NPAS3: variants seen among roughly 807,000 people sequenced by gnomAD.
NPAS3 encodes neuronal PAS domain protein 3.
Under a neutral mutation model 73.1 loss-of-function variants are expected in NPAS3, and 14 were observed. The ratio of observed to expected loss-of-function variants is 0.19; its 90% CI spans 0.13 to 0.30. The LOEUF (loss-of-function observed/expected upper bound fraction) is 0.30. Among genes scored for constraint, NPAS3 ranks in the 10% least tolerant of loss-of-function variants. The pLI is 1.00. For missense variants in NPAS3, 1,096 were observed against 1,250.0 expected, an observed-to-expected ratio of 0.88 and a Z score of 1.86; for synonymous variants, 620 against 541.5, an observed-to-expected ratio of 1.14 and a Z score of -2.01.
At chr14:33,205,210 T>G (rs372996459) in intron 2 of NPAS3, among the ~76,000 whole-genome samples, 1 of 152,212 alleles carries the variant, frequency 6.6e-6, no homozygotes, top group South Asian at 2.1e-4. Context: ...AATTGTATGA[T>G]CTCAACACAT....
At chr14:33,051,385 A>G (rs2040707076) in intron 1 of NPAS3, among the ~76,000 whole-genome samples, 1 of 151,840 alleles carries the variant, frequency 6.6e-6, no homozygotes, top group African/African-American at 2.4e-5. Flanking sequence ...TAGAGCTTGT[A>G]CTCTTACTTG....
intron 1 of NPAS3, among the ~76,000 whole-genome samples, chr14:32,967,905 TTG>T (rs2139286365): frequency 2.2e-5 from 1 of 44,898 alleles, no homozygotes; most frequent in African/African-American, 7.6e-5. Flanking sequence ...TAGTATTACA[TTG>T]TGAGAGTGTG....
intron 3 of NPAS3, among the ~76,000 whole-genome samples, chr14:33,292,590 C>T (rs1045213195): frequency 6.6e-6 from 1 of 151,952 alleles, no homozygotes; most frequent in South Asian, 2.1e-4. Flanking sequence ...AAAGATTGGC[C>T]AGTCAGTGAT....
intron 6 of NPAS3, among the ~76,000 whole-genome samples, chr14:33,716,109 G>A (rs1034505756): frequency 3.9e-5 from 6 of 152,166 alleles, no homozygotes; most frequent in Non-Finnish European, 7.4e-5. Flanking sequence ...TTGGGGGCAA[G>A]ACCACTATCT....
At chr14:33,253,892 A>C (rs554484368) in intron 3 of NPAS3, among the ~76,000 whole-genome samples, 134 of 152,136 alleles carry the variant, frequency 8.8e-4, no homozygotes, top group South Asian at 8.7e-3. Context: ...CAAATTCAAA[A>C]GGTTGGATGC....
intron 3 of NPAS3, among the ~76,000 whole-genome samples, chr14:33,345,946 T>C (rs8018571): frequency 0.039 from 5,967 of 152,204 alleles, 413 homozygotes; most frequent in African/African-American, 0.14. Context: ...GAAGTGTTGA[T>C]TCAGGGCTGG....
chr14:32,959,086 G>A lies in NPAS3; in HGVS notation c.50+19720G>A, dbSNP rs532072974. 1.5e-3 allele frequency among the ~76,000 whole-genome samples: 227 copies of A among 152,328 alleles called. 3 individuals carry two copies. The highest frequency in any genetic ancestry group is 5.0e-3 in the African/African-American group (208 of 41,572). ...AGTTTAAGAATTTGTGTTGGGCCCTGGGTTGGACAAGCTTGATGTAAGTCT... is the reference window on the plus strand; with the variant it reads ...AGTTTAAGAATTTGTGTTGGGCCCTAGGTTGGACAAGCTTGATGTAAGTCT... On this transcript the variant is annotated intron_variant, in intron 1 of 11. Coordinates refer to ENST00000356141, the Ensembl canonical transcript of NPAS3.
At chr14:33,283,365 A>G (rs1178333466) in intron 3 of NPAS3, among the ~76,000 whole-genome samples, 1 of 152,230 alleles carries the variant, frequency 6.6e-6, no homozygotes, top group Non-Finnish European at 1.5e-5. Context: ...CAGAATTTCT[A>G]TGATATAGGC....
intron 1 of NPAS3, among the ~76,000 whole-genome samples, chr14:32,943,375 G>A (rs1048100598): frequency 6.6e-6 from 1 of 152,106 alleles, no homozygotes; most frequent in African/African-American, 2.4e-5. Flanking sequence ...TTAGTCATAT[G>A]AATTTTGATC....
chr14:33,124,097 A>G (rs2043338446), intron 2 of NPAS3, among the ~76,000 whole-genome samples: 1 of 151,884 alleles, frequency 6.6e-6, no homozygotes, highest in Non-Finnish European at 1.5e-5. Context: ...CAAGAGATCC[A>G]TCTGCCTCGG....
intron 3 of NPAS3, among the ~76,000 whole-genome samples, chr14:33,321,124 T>G (rs1077333): frequency 0.026 from 3,901 of 152,148 alleles, 157 homozygotes; most frequent in African/African-American, 0.088. Context: ...GAAATTTTAG[T>G]ATAAAAGACT....
chr14:33,675,863 T>A (rs114500128), intron 5 of NPAS3, among the ~76,000 whole-genome samples: 1,588 of 152,218 alleles, frequency 0.01, 31 homozygotes, highest in African/African-American at 0.037. Flanking sequence ...CAGTCAATCA[T>A]GTGGTTGACA....
chr14:33,164,818 C>T lies in NPAS3; in HGVS notation c.141-50364C>T, dbSNP rs1378757532. 3.3e-5 allele frequency among the ~76,000 whole-genome samples: 5 copies of T among 151,352 alleles called. No individual in the cohort carries two copies. The East Asian group carries it at 9.7e-4, about 29-fold the overall frequency. ...TGACTCTCAGAACCCCATTGCTTCTCCTGTGTCAGCACAGGTGACTCTTTT... is the reference window on the plus strand; with the variant it reads ...TGACTCTCAGAACCCCATTGCTTCTTCTGTGTCAGCACAGGTGACTCTTTT... On this transcript the variant is annotated intron_variant, in intron 2 of 11. Transcript: ENST00000356141.
chr14:33,356,959 TCAGA>T (rs1428298043), intron 3 of NPAS3, among the ~76,000 whole-genome samples: 1 of 152,202 alleles, frequency 6.6e-6, no homozygotes, highest in Admixed American at 6.5e-5. Context: ...CGATTCTAGG[TCAGA>T]CAGTCTTGTA....
At chr14:33,016,572 C>G (rs930566267) in intron 1 of NPAS3, among the ~76,000 whole-genome samples, 1 of 133,658 alleles carries the variant, frequency 7.5e-6, no homozygotes, top group Non-Finnish European at 1.6e-5. Flanking sequence ...AATATAGAAC[C>G]ATGAAAAAAG....
At chr14:33,298,545 C>G (rs537512018) in intron 3 of NPAS3, among the ~76,000 whole-genome samples, 3 of 152,132 alleles carry the variant, frequency 2.0e-5, no homozygotes, top group Non-Finnish European at 4.4e-5. Context: ...ATGAATAAAT[C>G]AATATTTTCA....
Position 33,091,229 on chromosome 14 carries a change from T to C in NPAS3, c.140+35235T>C, listed in dbSNP as rs764902533. 3.0e-4 allele frequency among the ~76,000 whole-genome samples: 45 copies of C among 151,814 alleles called. No individual in the cohort carries two copies. The Middle Eastern group carries it at 0.01, about 34-fold the overall frequency. On this transcript the variant is annotated intron_variant, in intron 2 of 11. Coordinates refer to ENST00000356141, the Ensembl canonical transcript of NPAS3. ...GGTTTTTTGAAAAGATCAACAAAAT[T>C]GATAGACTGCCAGCAAGGCTAAGAA...
At chr14:33,341,244 A>G (rs1250086922) in intron 3 of NPAS3, among the ~76,000 whole-genome samples, 1 of 152,194 alleles carries the variant, frequency 6.6e-6, no homozygotes, top group African/African-American at 2.4e-5. Flanking sequence ...TCTCAAAACT[A>G]TACATTTTAG....
At chr14:32,969,672 T>A (rs1473591226) in intron 1 of NPAS3, among the ~76,000 whole-genome samples, 1 of 152,170 alleles carries the variant, frequency 6.6e-6, no homozygotes, top group Admixed American at 6.5e-5. Flanking sequence ...ATGTCCACTG[T>A]GCCACTTCTG....
Sources: allele counts gnomAD v4.1 joint callset (sites outside exome capture counted in the v4.1 genomes callset), GRCh38; gene constraint gnomAD v4.1.1; transcripts MANE v1.5; gene names NCBI Gene and HGNC (gene_info 2026-07-23, HGNC 2026-07-21).